The following PRPF18 variants were observed in gnomAD, a reference collection of about 807,000 sequenced individuals.
PRPF18 encodes the protein pre-mRNA processing factor 18.
Under a neutral mutation model 46.5 loss-of-function variants are expected in PRPF18, and 38 were observed. The ratio of observed to expected loss-of-function variants is 0.82; its 90% CI spans 0.63 to 1.07. PRPF18 has a LOEUF of 1.07. PRPF18 is among the 50% of genes least tolerant of loss of function. The pLI, the probability that PRPF18 is intolerant of heterozygous loss-of-function variation, is 0.00. For synonymous variants in PRPF18, 152 were observed against 146.7 expected (o/e 1.04, Z -0.26); for missense variants, 263 against 410.0 (o/e 0.64, Z 3.10).
chr10:13,597,417 CT>C (rs1342230658), intron 1 of PRPF18, 40 bp from the exon 2 acceptor site: 1 of 1,415,486 alleles, frequency 7.1e-7, no homozygotes, highest in East Asian at 2.5e-5. Flanking sequence ...TGAAATTTTG[CT>C]CAAGGATATA....
chr10:13,606,884 A>G lies in PRPF18; in HGVS notation c.363+1140A>G, dbSNP rs866257818. On this transcript the variant is annotated intron_variant, in intron 4 of 9. Transcript: ENST00000378572. Reference sequence around the variant, plus strand: ...AGTAGAATTGCTGGATAATAAGAGTAGATGTATGCTTAACTTCATAAGAAA... The same window carrying G: ...AGTAGAATTGCTGGATAATAAGAGTGGATGTATGCTTAACTTCATAAGAAA... 1.5e-4 allele frequency among the ~76,000 whole-genome samples: 23 copies of G among 152,290 alleles called. 1 individual carries two copies. The Middle Eastern group carries it at 0.014, about 90-fold the overall frequency.
At chr10:13,651,246 C>G in the PRPF18 span, 1 of 152,262 alleles carries the variant, frequency 6.6e-6, no homozygotes, top group Non-Finnish European at 1.5e-5. Context: ...TTTGGAAAAG[C>G]AGTGCTCATA....
intron 1 of PRPF18, among the ~76,000 whole-genome samples, chr10:13,588,742 G>A (rs989923492): frequency 3.3e-5 from 5 of 152,064 alleles, no homozygotes; most frequent in African/African-American, 1.2e-4. Flanking sequence ...TAAAAAGGGG[G>A]AGAAAGAATT....
chr10:13,594,929 G>T (rs931194952), intron 1 of PRPF18, among the ~76,000 whole-genome samples: 1 of 152,300 alleles, frequency 6.6e-6, no homozygotes, highest in African/African-American at 2.4e-5. Flanking sequence ...TAACAAAAGT[G>T]CTTTATACAT....
At chr10:13,600,399 C>T in intron 3 of PRPF18, 51 bp downstream of exon 3, 1 of 1,333,018 alleles carries the variant, frequency 7.5e-7, no homozygotes, top group Non-Finnish European at 1.0e-6. Flanking sequence ...ACGGTGTTTA[C>T]ATTTATCTCC....
intron 4 of PRPF18, among the ~76,000 whole-genome samples, chr10:13,607,944 A>G (rs1368916063): frequency 2.6e-5 from 4 of 152,218 alleles, no homozygotes; most frequent in African/African-American, 9.6e-5. Context: ...TACAAATGTC[A>G]GTGATGATAG....
chr10:13,597,659 G>A (rs769641921), intron 2 of PRPF18, 124 bp downstream of exon 2: 3 of 1,603,344 alleles, frequency 1.9e-6, no homozygotes, highest in Middle Eastern at 1.7e-4. Flanking sequence ...TAAATGAGAA[G>A]CCATCTGGAG....
downstream of PRPF18, among the ~76,000 whole-genome samples, chr10:13,634,165 C>T (rs909197015): frequency 1.3e-5 from 2 of 152,206 alleles, no homozygotes; most frequent in African/African-American, 4.8e-5. Flanking sequence ...TTGATCAGAA[C>T]AATTTATCAT....
At chr10:13,606,087 C>G (rs1171865732) in intron 4 of PRPF18, among the ~76,000 whole-genome samples, 1 of 152,112 alleles carries the variant, frequency 6.6e-6, no homozygotes, top group African/African-American at 2.4e-5. Context: ...CACCACGACA[C>G]ACGTTTCCCT....
chr10:13,596,347 CT>C (rs1469960657), intron 1 of PRPF18, among the ~76,000 whole-genome samples: 3 of 152,188 alleles, frequency 2.0e-5, no homozygotes, highest in Non-Finnish European at 2.9e-5. Context: ...GGTACATAAT[CT>C]TTTACTGATG....
At chr10:13,609,402 A>G (rs570118892) in intron 4 of PRPF18, among the ~76,000 whole-genome samples, 53 of 152,266 alleles carry the variant, frequency 3.5e-4, no homozygotes, top group African/African-American at 1.1e-3. Context: ...TTGAACCCAG[A>G]TAGCTTTTAC....
intron 1 of PRPF18, among the ~76,000 whole-genome samples, chr10:13,589,160 T>C (rs2133043424): frequency 6.6e-6 from 1 of 152,322 alleles, no homozygotes; most frequent in Non-Finnish European, 1.5e-5. Context: ...GAAGCTGGAA[T>C]TTTATCATAG....
At chr10:13,598,522 A>G (rs2133310151) in intron 2 of PRPF18, among the ~76,000 whole-genome samples, 1 of 152,332 alleles carries the variant, frequency 6.6e-6, no homozygotes, top group East Asian at 1.9e-4. Context: ...CTGGGAGAAG[A>G]CAAGTATTAA....
At chr10:13,595,018 G>A (rs1012582112) in intron 1 of PRPF18, among the ~76,000 whole-genome samples, 1 of 152,122 alleles carries the variant, frequency 6.6e-6, no homozygotes, top group African/African-American at 2.4e-5. Flanking sequence ...ATTATACTTC[G>A]TCAAGGACAT....
In PRPF18 at chr10:13,605,612, T is replaced by C; in HGVS notation, c.250-19T>C. The C allele has an allele frequency of 1.3e-6, 2 of 1,482,498 alleles. No individual in the cohort carries two copies. The highest frequency in any genetic ancestry group is 1.8e-6 in the Non-Finnish European group (2 of 1,103,280). The allele number at this position is 1,482,498 out of a possible 1,614,324, so 91.8% of individuals were successfully genotyped here. A position where few individuals can be genotyped will look rare whatever the true frequency, so the allele number is the denominator to read the frequency against. ...AAAAAAAAAAAAAAAATTTACTGGG[T>C]ATCTGTTTCACTTTGTAGGTCATCA... On this transcript the variant is annotated intron_variant, in intron 3 of 9. Transcript: ENST00000378572.
chr10:13,593,428 A>C (rs566521211), intron 1 of PRPF18, among the ~76,000 whole-genome samples: 1 of 152,322 alleles, frequency 6.6e-6, no homozygotes, highest in Non-Finnish European at 1.5e-5. Context: ...TATGACCCCA[A>C]GGAGGTTTTT....
chr10:13,652,168 G>A, the PRPF18 span: 1 of 602,144 alleles, frequency 1.7e-6, no homozygotes, highest in East Asian at 2.8e-5. Context: ...TACCTAGTTT[G>A]TTAGGAGGGA....
At chr10:13,625,592 G>A (rs997767815) in intron 9 of PRPF18, among the ~76,000 whole-genome samples, 2 of 152,188 alleles carry the variant, frequency 1.3e-5, no homozygotes, top group African/African-American at 4.8e-5. Flanking sequence ...TCCCAGACCT[G>A]AAGGACGTGA....
intron 8 of PRPF18, among the ~76,000 whole-genome samples, 177 bp from the exon 9 acceptor site, chr10:13,616,221 G>A (rs1033547935): frequency 6.6e-6 from 1 of 152,182 alleles, no homozygotes; most frequent in African/African-American, 2.4e-5. Flanking sequence ...GGGCAGGGCA[G>A]TCTGTTACCC....
Sources: gnomAD v4.1 joint callset for allele counts (sites outside exome capture counted in the v4.1 genomes callset) on GRCh38, gnomAD v4.1.1 for gene constraint, MANE v1.5 for transcripts, NCBI Gene and HGNC (gene_info 2026-07-23, HGNC 2026-07-21) for gene names.